Variants in SLC35C1 observed in about 807,000 individuals in gnomAD.
SLC35C1 encodes the protein solute carrier family 35 member C1, also known as GDP-fucose transporter 1.
A neutral mutation model predicts 23.2 loss-of-function variants in SLC35C1; 8 were observed. The ratio of observed to expected loss-of-function variants is 0.35; its 90% CI spans 0.20 to 0.62. The LOEUF is 0.62. Among genes scored for constraint, SLC35C1 ranks in the 20% least tolerant of loss-of-function variants. The pLI, the probability that SLC35C1 is intolerant of heterozygous loss-of-function variation, is 0.75. For missense variants in SLC35C1, 422 were observed against 478.6 expected (o/e 0.88, Z 1.10); for synonymous variants, 226 against 225.1 (o/e 1.00, Z -0.04).
intron 1 of SLC35C1, chr11:45,806,777 C>T (rs867832282): frequency 4.6e-6 from 2 of 432,458 alleles, no homozygotes; most frequent in African/African-American, 4.3e-5. Flanking sequence ...AGCAATCTGG[C>T]TTCACAGTTC....
In SLC35C1 at chr11:45,805,464, C is replaced by T. The variant is rs1590742369; in HGVS notation, c.-338C>T. The T allele has an allele frequency of 8.3e-7, 1 of 1,197,884 alleles. No homozygotes were observed. The highest frequency in any genetic ancestry group is 1.0e-6 in the Non-Finnish European group (1 of 953,482). 74.2% of individuals were successfully genotyped at this position (1,197,884 alleles called of 1,614,324 possible). A position where few individuals can be genotyped will look rare whatever the true frequency, so the allele number is the denominator to read the frequency against. ...CCCCGCCCTGCCATTCCTCTCCCCT[C>T]CCTTCTCTCTGCGACCCCTCCCTGT... On this transcript the variant is annotated 5_prime_UTR_variant, in exon 1 of 2. Coordinates refer to ENST00000314134, the MANE Select transcript of SLC35C1 (RefSeq NM_018389.5).
At chr11:45,810,587 A>G (rs945854336) in intron 1 of SLC35C1, 189 bp from the exon 2 acceptor site, 2 of 985,100 alleles carry the variant, frequency 2.0e-6, no homozygotes, top group Non-Finnish European at 2.4e-6. Flanking sequence ...GGCGGCTCCC[A>G]TAGTTCATGT....
chr11:45,805,658 A>AG lies in SLC35C1; in HGVS notation c.-142dup. The AG allele has an allele frequency of 6.5e-7, 1 of 1,534,060 alleles. No individual in the cohort carries two copies. The highest frequency in any genetic ancestry group is 8.7e-7 in the Non-Finnish European group (1 of 1,143,474). On this transcript the variant is annotated 5_prime_UTR_variant, in exon 1 of 2. The change creates a premature stop within an existing upstream ORF in the 5' untranslated region. Coordinates refer to ENST00000314134, the MANE Select transcript of SLC35C1 (RefSeq NM_018389.5). ...CCAAAGCAGAACTTCTCAATCCATG[A>AG]GGACAATGGGGAGGCCTTTAGGCCA...
Position 45,811,293 on chromosome 11 carries a change from G to T in SLC35C1, c.1053G>T (p.Glu351Asp), listed in dbSNP as rs764451718. The T allele has an allele frequency of 3.9e-6, 6 of 1,556,234 alleles. No homozygotes were observed. The highest frequency in any genetic ancestry group is 1.4e-5 in the African/African-American group (1 of 73,244). Reference sequence around the variant, plus strand: ...GGGAGATGAAGAAGACTCCGGAGGAGCCCAGCCCCAAAGACAGCGAGAAGA... The same window carrying T: ...GGGAGATGAAGAAGACTCCGGAGGATCCCAGCCCCAAAGACAGCGAGAAGA... ...RGWEMKKTPE[E>D]PSPKDSEKSA... Residue 351 changes from glutamate to aspartate, a missense_variant, in exon 2 of 2, where the codon GAG becomes GAT. By Grantham distance (45) the Glu-to-Asp change is conservative (BLOSUM62 2). Coordinates refer to ENST00000314134, the MANE Select transcript of SLC35C1 (RefSeq NM_018389.5).
In SLC35C1 at chr11:45,806,145, G is replaced by T; in HGVS notation, c.344G>T (p.Arg115Leu). The change falls in exon 1 of 2, where the codon CGC becomes CTC. Residue 115 changes from arginine (R) to leucine (L), a missense_variant. Physicochemically the swap from Arg to Leu is moderately radical, Grantham distance 102. Coordinates refer to ENST00000314134, the MANE Select transcript of SLC35C1 (RefSeq NM_018389.5). ...PSLRLDLRVA[R>L]SVLPLSVVFI... ...TTGCGCCTGGACCTCAGGGTGGCCC[G>T]CAGCGTCCTGCCCCTGTCGGTGGTC... is the stretch of plus-strand genomic sequence containing the variant. 6.2e-7 allele frequency: 1 copy of T among 1,606,912 alleles called. No individual in the cohort carries two copies. The highest frequency in any genetic ancestry group is 8.5e-7 in the Non-Finnish European group (1 of 1,179,960).
chr11:45,805,788 G>A lies in SLC35C1; in HGVS notation c.-14G>A, dbSNP rs186564976. On this transcript the variant is annotated 5_prime_UTR_variant, in exon 1 of 2. Transcript: ENST00000314134. Reference sequence around the variant, plus strand: ...AGAGTTCTGGCCGCGGGGTGACCCAGCTCCTCTGCTACCATGAATAGGGCC... The same window carrying A: ...AGAGTTCTGGCCGCGGGGTGACCCAACTCCTCTGCTACCATGAATAGGGCC... 2.5e-6 allele frequency: 4 copies of A among 1,611,824 alleles called. No homozygotes were observed. In the African/African-American group the frequency reaches 4.0e-5, roughly 16 times the overall value.
At position 45,805,478 on chromosome 11, in the gene SLC35C1, A is replaced by G; in HGVS notation, c.-324A>G. 1 of 1,217,480 alleles carries G rather than the reference A, an allele frequency of 8.2e-7. No individual in the cohort carries two copies. Among genetic ancestry groups the G allele is most frequent in the Admixed American group, 3.6e-5 (1 of 27,472 alleles). 75.4% of individuals were successfully genotyped at this position (1,217,480 alleles called of 1,614,324 possible). On this transcript the variant is annotated 5_prime_UTR_variant, in exon 1 of 2. Coordinates refer to ENST00000314134, the MANE Select transcript of SLC35C1 (RefSeq NM_018389.5). ...TCCTCTCCCCTCCCTTCTCTCTGCG[A>G]CCCCTCCCTGTTAGGCCCCAGCCTC...
At chr11:45,808,004 G>A (rs2085895519) in intron 1 of SLC35C1, among the ~76,000 whole-genome samples, 1 of 152,228 alleles carries the variant, frequency 6.6e-6, no homozygotes, top group Non-Finnish European at 1.5e-5. Context: ...CAAGTAACCA[G>A]TGGTGAGGTT....
At chr11:45,807,033 C>A in intron 1 of SLC35C1, 1 of 387,850 alleles carries the variant, frequency 2.6e-6, no homozygotes, top group Non-Finnish European at 3.5e-6. Context: ...TCACATATAG[C>A]ATCTCCTTTG....
chr11:45,805,812 C>T lies in SLC35C1; in HGVS notation c.11C>T (p.Ala4Val). 6.2e-7 allele frequency: 1 copy of T among 1,613,564 alleles called. No homozygotes were observed. Among genetic ancestry groups the T allele is most frequent in the Non-Finnish European group, 8.5e-7 (1 of 1,180,010 alleles). MNRAPLKRSRILHM... is the reference protein window; with the variant it reads MNRVPLKRSRILHM... ...AGCTCCTCTGCTACCATGAATAGGGCCCCTCTGAAGCGGTCCAGGATCCTG... is the reference window on the plus strand; with the variant it reads ...AGCTCCTCTGCTACCATGAATAGGGTCCCTCTGAAGCGGTCCAGGATCCTG... The change falls in exon 1 of 2, where the codon GCC (alanine) becomes GTC (valine). Residue 4 changes from alanine to valine, a missense_variant. Ala to Val is a moderately conservative substitution (Grantham distance 64). Coordinates refer to ENST00000314134, the MANE Select transcript of SLC35C1 (RefSeq NM_018389.5).
chr11:45,812,650 C>A lies in SLC35C1; in HGVS notation c.*1315C>A, dbSNP rs55758172. On this transcript the variant is annotated 3_prime_UTR_variant, in exon 2 of 2. Transcript: ENST00000314134. Reference sequence around the variant, plus strand: ...ACTCCAACCCTGTTCATGAGGGTTCCGCCCCCATGACCCAATCAGCTCCAA... The same window carrying A: ...ACTCCAACCCTGTTCATGAGGGTTCAGCCCCCATGACCCAATCAGCTCCAA... 1 of 455,732 alleles carries A rather than the reference C, an allele frequency of 2.2e-6. No individual in the cohort carries two copies. Among genetic ancestry groups the A allele is most frequent in the Non-Finnish European group, 4.4e-6 (1 of 226,714 alleles). The allele number at this position is 455,732 out of a possible 1,614,324, so 28.2% of individuals were successfully genotyped here.
upstream of SLC35C1, chr11:45,804,915 T>TTGA (rs1421811921): frequency 1.2e-4 from 123 of 984,394 alleles, no homozygotes; most frequent in Non-Finnish European, 1.5e-4. Context: ...GCAGGCGAGG[T>TTGA]TGATGGAGCC....
intron 1 of SLC35C1, chr11:45,809,842 A>G: frequency 1.0e-6 from 1 of 985,454 alleles, no homozygotes; most frequent in Non-Finnish European, 1.2e-6. Context: ...CTGGCTAAAA[A>G]GACCAGACTG....
upstream of SLC35C1, chr11:45,804,757 G>A (rs2085848798): frequency 2.0e-6 from 2 of 985,870 alleles, no homozygotes; most frequent in Non-Finnish European, 1.2e-6. Flanking sequence ...GGGACGCGGG[G>A]CTGCAACGCG....
chr11:45,811,410 C>T lies in SLC35C1; in HGVS notation c.*75C>T, dbSNP rs2085947232. 1.6e-6 allele frequency: 2 copies of T among 1,264,768 alleles called. No homozygotes were observed. The highest frequency in any genetic ancestry group is 2.1e-6 in the Non-Finnish European group (2 of 944,812). The allele number at this position is 1,264,768 out of a possible 1,614,324, so 78.3% of individuals were successfully genotyped here. A position where few individuals can be genotyped will look rare whatever the true frequency, so the allele number is the denominator to read the frequency against. The stretch of plus-strand genomic sequence containing the variant: ...GGGCCAGCACAGTAGTGAAGGCGGT[C>T]TCCTGGACCCCAGAAGCGTGCTGTG... On this transcript the variant is annotated 3_prime_UTR_variant, in exon 2 of 2. Coordinates refer to ENST00000314134, the MANE Select transcript of SLC35C1 (RefSeq NM_018389.5).
At position 45,806,033 on chromosome 11, in the gene SLC35C1, T is replaced by C. The variant is rs1365224804; in HGVS notation, c.232T>C (p.Phe78Leu). 6.2e-7 allele frequency: 1 copy of C among 1,613,834 alleles called. No homozygotes were observed. Among genetic ancestry groups the C allele is most frequent in the East Asian group, 2.2e-5 (1 of 44,882 alleles). Reference protein sequence around the residue: ...LRLDTPIFVTFYQCLVTTLLC... With the variant: ...LRLDTPIFVTLYQCLVTTLLC... ...GCTGGACACCCCCATCTTCGTCACC[T>C]TCTACCAGTGCCTGGTGACCACGCT... is the stretch of plus-strand genomic sequence containing the variant. The change falls in exon 1 of 2, where the codon TTC becomes CTC. Residue 78 changes from phenylalanine (F) to leucine (L), a missense_variant. Phe to Leu is a conservative substitution (Grantham distance 22). Transcript: ENST00000314134.
At chr11:45,808,358 G>A (rs182443938) in intron 1 of SLC35C1, among the ~76,000 whole-genome samples, 207 of 152,098 alleles carry the variant, frequency 1.4e-3, no homozygotes, top group African/African-American at 4.6e-3. Flanking sequence ...AAAATTAGCC[G>A]GGCGTGGTGG....
Position 45,808,966 on chromosome 11 carries a change from G to A in SLC35C1, c.536-1810G>A, listed in dbSNP as rs148705700. 1.9e-3 allele frequency among the ~76,000 whole-genome samples: 288 copies of A among 152,380 alleles called. 1 individual carries two copies. The highest frequency in any genetic ancestry group is 6.5e-3 in the African/African-American group (270 of 41,584). On this transcript the variant is annotated intron_variant, in intron 1 of 1. Transcript: ENST00000314134. ...TGCAGTGAGCCAAGATCGCACCACT[G>A]TACTCCAGCCAGGGTGACACAGCGA...
intron 1 of SLC35C1, among the ~76,000 whole-genome samples, chr11:45,807,276 T>TAG (rs1258685316): frequency 6.6e-6 from 1 of 152,212 alleles, no homozygotes; most frequent in Non-Finnish European, 1.5e-5. Flanking sequence ...ATTGGCCACT[T>TAG]ATTTAAATTA....
Sources: allele counts gnomAD v4.1 joint callset (sites outside exome capture counted in the v4.1 genomes callset), GRCh38; gene constraint gnomAD v4.1.1; transcripts MANE v1.5; gene names NCBI Gene and HGNC (gene_info 2026-07-23, HGNC 2026-07-21).